Variants in ALPK1 observed in about 807,000 individuals in gnomAD.
ALPK1 encodes alpha kinase 1.
A neutral mutation model predicts 120.6 loss-of-function variants in ALPK1; 110 were observed. That is an observed-to-expected ratio of 0.91 (90% CI 0.78 to 1.07). The LOEUF (loss-of-function observed/expected upper bound fraction) is 1.07. Among genes scored for constraint, ALPK1 ranks in the 50% least tolerant of loss-of-function variants. The pLI, the probability that ALPK1 is intolerant of heterozygous loss-of-function variation, is 0.00. For synonymous variants in ALPK1, 582 were observed against 560.3 expected (o/e 1.04, Z -0.55); for missense variants, 1,498 against 1,483.9 (o/e 1.01, Z -0.16).
intron 8 of ALPK1, 36 bp downstream of exon 8, chr4:112,426,579 T>A: frequency 6.9e-7 from 1 of 1,448,426 alleles, no homozygotes; most frequent in Non-Finnish European, 9.2e-7. Context: ...TCCTTTCCTG[T>A]ATTTGTCTTT....
At position 112,357,878 on chromosome 4, in the gene ALPK1, C is replaced by T. The variant is rs574051276; in HGVS notation, c.-100-19800C>T. 5.5e-4 allele frequency: 639 copies of T among 1,161,102 alleles called. 7 individuals carry two copies. The highest frequency in any genetic ancestry group is 4.5e-3 in the South Asian group (360 of 80,346). The allele number at this position is 1,161,102 out of a possible 1,614,324, so 71.9% of individuals were successfully genotyped here. ...GCTAGGAAGATGGAGGCGCTGAGGC[C>T]GCTGTTTGTGGAGCCCAGGAGCAAA... On this transcript the variant is annotated intron_variant, in intron 2 of 15. Transcript: ENST00000650871.
At chr4:112,372,109 C>T (rs573359386) in intron 2 of ALPK1, among the ~76,000 whole-genome samples, 1 of 152,232 alleles carries the variant, frequency 6.6e-6, no homozygotes, top group African/African-American at 2.4e-5. Flanking sequence ...ATTTCTGGGT[C>T]CTCTTTTCAT....
intron 2 of ALPK1, among the ~76,000 whole-genome samples, chr4:112,338,310 C>T (rs987144389): frequency 6.6e-6 from 1 of 152,212 alleles, no homozygotes; most frequent in South Asian, 2.1e-4. Context: ...GTTTTTTCCC[C>T]TAGGAAAACT....
At chr4:112,333,817 C>T (rs1729493729) in intron 2 of ALPK1, among the ~76,000 whole-genome samples, 1 of 152,084 alleles carries the variant, frequency 6.6e-6, no homozygotes, top group South Asian at 2.1e-4. Context: ...GTTAGACTCT[C>T]CTTCTGATAT....
At chr4:112,396,065 GGAAA>G (rs1197832469) in intron 4 of ALPK1, among the ~76,000 whole-genome samples, 2 of 151,760 alleles carry the variant, frequency 1.3e-5, no homozygotes, top group Admixed American at 6.6e-5. Context: ...TGTTTCATTA[GGAAA>G]GAAAGAAAGA....
chr4:112,428,940 T>C (rs1372195621), intron 9 of ALPK1, among the ~76,000 whole-genome samples: 1 of 152,176 alleles, frequency 6.6e-6, no homozygotes, highest in Non-Finnish European at 1.5e-5. Context: ...CCCAAATTAT[T>C]TTGCACAGGT....
intron 2 of ALPK1, among the ~76,000 whole-genome samples, chr4:112,330,187 G>C (rs370942646): frequency 6.6e-6 from 1 of 152,194 alleles, no homozygotes; most frequent in Non-Finnish European, 1.5e-5. Flanking sequence ...AGAGGAACAA[G>C]CTGGATTTGT....
chr4:112,340,292 GC>G (rs1271777080), intron 2 of ALPK1, among the ~76,000 whole-genome samples: 3 of 152,206 alleles, frequency 2.0e-5, no homozygotes, highest in Non-Finnish European at 4.4e-5. Context: ...GGCAAACATT[GC>G]GTAATATAGA....
At chr4:112,326,456 A>C (rs1729123302) in intron 2 of ALPK1, among the ~76,000 whole-genome samples, 1 of 152,090 alleles carries the variant, frequency 6.6e-6, no homozygotes, top group South Asian at 2.1e-4. Flanking sequence ...CTCTTGCCCC[A>C]CCTACCTAGC....
At chr4:112,337,753 T>G (rs941959504) in intron 2 of ALPK1, among the ~76,000 whole-genome samples, 1 of 152,054 alleles carries the variant, frequency 6.6e-6, no homozygotes, top group Non-Finnish European at 1.5e-5. Flanking sequence ...AGTGGCTCAA[T>G]AAAAAAATTT....
chr4:112,431,390 C>T lies in ALPK1; in HGVS notation c.1843C>T (p.His615Tyr). The T allele has an allele frequency of 1.2e-6, 2 of 1,614,206 alleles. No individual in the cohort carries two copies. Among genetic ancestry groups the T allele is most frequent in the Non-Finnish European group, 8.5e-7 (1 of 1,180,038 alleles). The change falls in exon 11 of 16, where the codon CAT becomes TAT. Residue 615 changes from histidine to tyrosine, a missense_variant. Coordinates refer to ENST00000650871, the MANE Select transcript of ALPK1 (RefSeq NM_025144.4). ...RSARKEPGKEHLVDTQCSTAL... is the reference protein window; with the variant it reads ...RSARKEPGKEYLVDTQCSTAL... Reference sequence around the variant, plus strand: ...AGCCAGAAAAGAGCCTGGCAAAGAACATCTGGTGGACACTCAGTGTTCCAC... The same window carrying T: ...AGCCAGAAAAGAGCCTGGCAAAGAATATCTGGTGGACACTCAGTGTTCCAC...
chr4:112,435,363 G>T lies in ALPK1; in HGVS notation c.3188+62G>T. On this transcript the variant is annotated intron_variant, in intron 12 of 15. Coordinates refer to ENST00000650871, the MANE Select transcript of ALPK1 (RefSeq NM_025144.4). ...TGAGCTAACCTTGCTCTTCTGTTAA[G>T]TAATCACTCATGAGACTTCGTAGGG... is the stretch of plus-strand genomic sequence containing the variant. The T allele has an allele frequency of 5.3e-6, 8 of 1,512,338 alleles. No homozygotes were observed. In the South Asian group the frequency reaches 1.0e-4, roughly 19 times the overall value. 93.7% of individuals were successfully genotyped at this position (1,512,338 alleles called of 1,614,324 possible).
intron 2 of ALPK1, among the ~76,000 whole-genome samples, chr4:112,372,007 T>C (rs1419608113): frequency 6.6e-6 from 1 of 152,146 alleles, no homozygotes; most frequent in African/African-American, 2.4e-5. Context: ...CAAAAGTGAA[T>C]CTCAGAAGTC....
Position 112,359,568 on chromosome 4 carries a change from C to A in ALPK1, c.-100-18110C>A, listed in dbSNP as rs373221291. 4.8e-4 allele frequency: 118 copies of A among 244,976 alleles called. 1 individual carries two copies. Among genetic ancestry groups the A allele is most frequent in the African/African-American group, 2.5e-3 (109 of 43,890 alleles). The allele number at this position is 244,976 out of a possible 1,614,324, so 15.2% of individuals were successfully genotyped here. The stretch of plus-strand genomic sequence containing the variant: ...CCTTGCCACGCCTCCTATGCTCACC[C>A]ACGGGGCTTCCCAACCAGACCGCTC... On this transcript the variant is annotated intron_variant, in intron 2 of 15. Coordinates refer to ENST00000650871, the MANE Select transcript of ALPK1 (RefSeq NM_025144.4).
At chr4:112,436,839 G>C (rs1560690486) in intron 12 of ALPK1, among the ~76,000 whole-genome samples, 1 of 152,192 alleles carries the variant, frequency 6.6e-6, no homozygotes, top group Admixed American at 6.5e-5. Context: ...AGGAGGACCT[G>C]AGATGAGAAT....
intron 1 of ALPK1, among the ~76,000 whole-genome samples, chr4:112,313,530 C>T (rs1728505733): frequency 6.6e-6 from 1 of 152,192 alleles, no homozygotes; most frequent in African/African-American, 2.4e-5. Flanking sequence ...CGAGACCAGA[C>T]TGCCCAACAT....
intron 2 of ALPK1, chr4:112,358,443 C>A (rs1225319070): frequency 2.0e-5 from 13 of 653,072 alleles, no homozygotes; most frequent in Non-Finnish European, 3.6e-5. Context: ...CCCCTCCTCT[C>A]CACCAGGAAA....
intron 2 of ALPK1, among the ~76,000 whole-genome samples, chr4:112,369,608 G>T (rs1211859934): frequency 6.6e-6 from 1 of 152,136 alleles, no homozygotes; most frequent in Non-Finnish European, 1.5e-5. Context: ...CTTGAACCCA[G>T]GAGGCAGAGG....
intron 1 of ALPK1, among the ~76,000 whole-genome samples, chr4:112,299,324 T>A (rs1052568736): frequency 1.9e-4 from 29 of 152,156 alleles, no homozygotes; most frequent in African/African-American, 6.3e-4. Flanking sequence ...TTTTCCTAAG[T>A]ATGGTATACA....
Sources: gnomAD v4.1 joint callset for allele counts (sites outside exome capture counted in the v4.1 genomes callset) on GRCh38, gnomAD v4.1.1 for gene constraint, MANE v1.5 for transcripts, NCBI Gene and HGNC (gene_info 2026-07-23, HGNC 2026-07-21) for gene names.